The following VPS41 variants were observed in gnomAD, a reference collection of about 807,000 sequenced individuals.
VPS41 encodes the protein VPS41 subunit of HOPS complex, also known as vacuolar protein sorting-associated protein 41 homolog.
In VPS41, 85 loss-of-function variants were observed where a neutral mutation model predicts 130.9. That is an observed-to-expected ratio of 0.65 (90% CI 0.55 to 0.78). VPS41 has a LOEUF of 0.78. VPS41 is among the 30% of genes least tolerant of loss of function. The pLI is 0.00. For missense variants in VPS41, 874 were observed against 1,018.7 expected (o/e 0.86, Z 1.93); for synonymous variants, 335 against 332.9 (o/e 1.01, Z -0.07).
At chr7:38,751,002 G>C (rs1783661765) in intron 22 of VPS41, among the ~76,000 whole-genome samples, 1 of 152,214 alleles carries the variant, frequency 6.6e-6, no homozygotes, top group Non-Finnish European at 1.5e-5. Flanking sequence ...GGTAGTATCT[G>C]TTTTTACTTT....
At chr7:38,908,454 C>G (rs2116473230) in intron 1 of VPS41, among the ~76,000 whole-genome samples, 1 of 152,228 alleles carries the variant, frequency 6.6e-6, no homozygotes, top group Middle Eastern at 3.4e-3. Context: ...TGGATACTAC[C>G]AGCAACAAAT....
chr7:38,832,067 A>G (rs1198209401), intron 4 of VPS41, among the ~76,000 whole-genome samples: 1 of 152,090 alleles, frequency 6.6e-6, no homozygotes, highest in Non-Finnish European at 1.5e-5. Context: ...TAATAAACTT[A>G]ACCATTTTTC....
At chr7:38,777,425 G>A (rs1056111766) in intron 10 of VPS41, among the ~76,000 whole-genome samples, 7 of 152,110 alleles carry the variant, frequency 4.6e-5, no homozygotes, top group African/African-American at 1.7e-4. Context: ...TAAGAAGTAT[G>A]TGACTTTAAT....
intron 22 of VPS41, among the ~76,000 whole-genome samples, chr7:38,746,463 T>C (rs1795986750): frequency 6.6e-6 from 1 of 151,892 alleles, no homozygotes. Context: ...AGTAGGAGCA[T>C]TAGCAGCATG....
intron 2 of VPS41, among the ~76,000 whole-genome samples, chr7:38,879,790 C>G (rs113853964): frequency 2.0e-5 from 3 of 152,054 alleles, no homozygotes; most frequent in East Asian, 3.9e-4. Flanking sequence ...CTCACTCCCC[C>G]ACTGCGCACA....
chr7:38,835,092 C>T (rs1223944406), intron 4 of VPS41, among the ~76,000 whole-genome samples: 2 of 151,846 alleles, frequency 1.3e-5, no homozygotes, highest in East Asian at 3.9e-4. Flanking sequence ...TACTACTTTT[C>T]CTATTTCATA....
At chr7:38,776,265 T>C (rs549543413) in intron 11 of VPS41, among the ~76,000 whole-genome samples, 105 of 152,316 alleles carry the variant, frequency 6.9e-4, no homozygotes, top group African/African-American at 2.5e-3. Context: ...AACAAATATG[T>C]CTGGACCAAA....
intron 9 of VPS41, among the ~76,000 whole-genome samples, chr7:38,791,888 T>G (rs1480831580): frequency 1.3e-5 from 2 of 152,158 alleles, no homozygotes. Flanking sequence ...GACAGGAAGA[T>G]GAAGTGCAGA....
chr7:38,733,592 A>G (rs952558658), intron 25 of VPS41, among the ~76,000 whole-genome samples: 3 of 152,132 alleles, frequency 2.0e-5, no homozygotes, highest in Admixed American at 2.0e-4. Flanking sequence ...ATCATTTTTA[A>G]CCCACTAAAA....
intron 5 of VPS41, among the ~76,000 whole-genome samples, chr7:38,821,706 C>A (rs371618257): frequency 5.6e-3 from 653 of 117,394 alleles, no homozygotes; most frequent in East Asian, 7.6e-3. Context: ...GACTCCGTCT[C>A]AAAAAAAAAA....
intron 4 of VPS41, among the ~76,000 whole-genome samples, chr7:38,834,552 G>A (rs943326006): frequency 6.6e-6 from 1 of 152,118 alleles, no homozygotes; most frequent in Non-Finnish European, 1.5e-5. Context: ...TACCTCTGAG[G>A]GGAAGAGAGA....
At position 38,823,879 on chromosome 7, in the gene VPS41, A is replaced by T. The variant is rs115235210; in HGVS notation, c.322-2614T>A. Among the ~76,000 whole-genome samples, 733 of 152,308 alleles carry T rather than the reference A, an allele frequency of 4.8e-3. 7 individuals carry two copies. Among genetic ancestry groups the T allele is most frequent in the African/African-American group, 0.017 (695 of 41,558 alleles). Reference sequence around the variant, plus strand: ...ATTGTTCAGAGGGTATAAAGTCATTACTTTTATGGAAATATATAGGCATAG... The same window carrying T: ...ATTGTTCAGAGGGTATAAAGTCATTTCTTTTATGGAAATATATAGGCATAG... On this transcript the variant is annotated intron_variant, in intron 5 of 28. Transcript: ENST00000310301.
intron 7 of VPS41, among the ~76,000 whole-genome samples, chr7:38,815,914 C>T (rs990476780): frequency 8.5e-6 from 1 of 117,700 alleles, no homozygotes; most frequent in Non-Finnish European, 1.7e-5. Context: ...TAATACTCCC[C>T]AATAAACTAC....
At chr7:38,851,412 T>C (rs1289513037) in intron 4 of VPS41, among the ~76,000 whole-genome samples, 2 of 152,366 alleles carry the variant, frequency 1.3e-5, no homozygotes, top group Middle Eastern at 3.4e-3. Flanking sequence ...TAAATGCAAA[T>C]GTTATAATAT....
At chr7:38,839,236 A>AT (rs1785558135) in intron 4 of VPS41, among the ~76,000 whole-genome samples, 1 of 152,124 alleles carries the variant, frequency 6.6e-6, no homozygotes, top group African/African-American at 2.4e-5. Flanking sequence ...GGAAAAGCTC[A>AT]TTTTACTGCT....
chr7:38,781,129 A>G (rs1257910927), intron 10 of VPS41, among the ~76,000 whole-genome samples: 2 of 152,230 alleles, frequency 1.3e-5, no homozygotes, highest in Non-Finnish European at 2.9e-5. Flanking sequence ...GAATGCAAGA[A>G]TGGACTACAC....
intron 4 of VPS41, among the ~76,000 whole-genome samples, chr7:38,837,217 C>T (rs1368806687): frequency 6.6e-6 from 1 of 151,964 alleles, no homozygotes; most frequent in Admixed American, 6.6e-5. Context: ...GCCTGCCATA[C>T]CCAATCGTAT....
intron 1 of VPS41, among the ~76,000 whole-genome samples, chr7:38,900,555 C>A (rs1787119342): frequency 6.6e-6 from 1 of 152,112 alleles, no homozygotes; most frequent in African/African-American, 2.4e-5. Flanking sequence ...AAAGAAAAAA[C>A]AGAAGTCTCC....
chr7:38,776,696 C>CCTTTACATACATGTAAAGTACATATGTA lies in VPS41; in HGVS notation c.864_865insTACATATGTACTTTACATGTATGTAAAG (p.Glu289TyrfsTer24), dbSNP rs1273550487. 2 of 1,606,194 alleles carry CCTTTACATACATGTAAAGTACATATGTA rather than the reference C, an allele frequency of 1.2e-6. No homozygotes were observed. The highest frequency in any genetic ancestry group is 8.5e-7 in the Non-Finnish European group (1 of 1,173,164). The stretch of plus-strand genomic sequence containing the variant: ...ATAATTACCGTTTTTTCTGAAATCT[C>CCTTTACATACATGTAAAGTACATATGTA]CTTTACATACGAAAGTACAACAAGC... On this transcript the variant is annotated frameshift_variant, in exon 11 of 29. Coordinates refer to ENST00000310301, the MANE Select transcript of VPS41 (RefSeq NM_014396.4). LOFTEE classifies it high-confidence loss of function.
Sources: allele counts gnomAD v4.1 joint callset (sites outside exome capture counted in the v4.1 genomes callset), GRCh38; gene constraint gnomAD v4.1.1; transcripts MANE v1.5; gene names NCBI Gene and HGNC (gene_info 2026-07-23, HGNC 2026-07-21).